Variants in PLCXD3 observed in about 807,000 individuals in gnomAD.
The protein encoded by PLCXD3 is phosphatidylinositol specific phospholipase C X domain containing 3.
Under a neutral mutation model 25.5 loss-of-function variants are expected in PLCXD3, and 19 were observed. The ratio of observed to expected loss-of-function variants is 0.75; its 90% CI spans 0.52 to 1.09. The LOEUF (loss-of-function observed/expected upper bound fraction) is 1.09, where lower values mean the gene tolerates loss of function less well. Among genes scored for constraint, PLCXD3 ranks in the 50% least tolerant of loss-of-function variants. The pLI is 0.00. For synonymous variants in PLCXD3, 174 were observed against 137.6 expected (o/e 1.26, Z -1.85); for missense variants, 411 against 388.1 (o/e 1.06, Z -0.50).
In PLCXD3 at chr5:41,313,483, C is replaced by G; in HGVS notation, c.*134G>C. 1 of 986,278 alleles carries G rather than the reference C, an allele frequency of 1.0e-6. No individual in the cohort carries two copies. The allele number at this position is 986,278 out of a possible 1,614,324, so 61.1% of individuals were successfully genotyped here. A position where few individuals can be genotyped will look rare whatever the true frequency, so the allele number is the denominator to read the frequency against. ...TAATCACTGAAGAAACAGTTTTTCC[C>G]CTTTTCCCACCCACTACCAGCCCTA... On this transcript the variant is annotated 3_prime_UTR_variant, in exon 3 of 3. Transcript: ENST00000377801.
rs149897633 is a variant in PLCXD3, at chr5:41,425,994, T to C, written c.104-43460A>G. Among the ~76,000 whole-genome samples, 49 of 152,330 alleles carry C rather than the reference T, an allele frequency of 3.2e-4. 2 individuals carry two copies. The highest frequency in any genetic ancestry group is 1.1e-3 in the African/African-American group (47 of 41,588). On this transcript the variant is annotated intron_variant, in intron 1 of 2. Transcript: ENST00000377801. ...CGAGGAATGTGATTGCTGGATTGTA[T>C]GATAAGAGTATGCTTAGTTTTGGGA...
chr5:41,507,669 G>C (rs2111599663), intron 1 of PLCXD3, among the ~76,000 whole-genome samples: 2 of 152,282 alleles, frequency 1.3e-5, no homozygotes, highest in Middle Eastern at 6.8e-3. Flanking sequence ...TAATTAGGCA[G>C]CTCTTTATTT....
intron 1 of PLCXD3, among the ~76,000 whole-genome samples, chr5:41,398,735 C>T (rs189740604): frequency 6.6e-6 from 1 of 152,144 alleles, no homozygotes; most frequent in East Asian, 1.9e-4. Flanking sequence ...ACATAATAGC[C>T]ATATATGACA....
At chr5:41,354,164 C>G (rs1039049008) in intron 2 of PLCXD3, among the ~76,000 whole-genome samples, 2 of 152,122 alleles carry the variant, frequency 1.3e-5, no homozygotes, top group African/African-American at 4.8e-5. Flanking sequence ...CAATGATATT[C>G]CTATAGCTTT....
At chr5:41,415,425 G>A (rs1379005265) in intron 1 of PLCXD3, among the ~76,000 whole-genome samples, 1 of 152,108 alleles carries the variant, frequency 6.6e-6, no homozygotes, top group African/African-American at 2.4e-5. Context: ...ATCCACTTTG[G>A]TACATCTTTG....
At chr5:41,349,786 A>G (rs1019093442) in intron 2 of PLCXD3, among the ~76,000 whole-genome samples, 4 of 152,224 alleles carry the variant, frequency 2.6e-5, no homozygotes, top group Admixed American at 2.6e-4. Context: ...ACAGGTCTTT[A>G]AATTATCCTG....
intron 1 of PLCXD3, among the ~76,000 whole-genome samples, chr5:41,387,797 T>G (rs992985587): frequency 2.6e-5 from 4 of 152,168 alleles, no homozygotes; most frequent in Admixed American, 2.6e-4. Context: ...ATGCTAAGTA[T>G]AAGACAAGCA....
At position 41,433,178 on chromosome 5, in the gene PLCXD3, G is replaced by T. The variant is rs185986690; in HGVS notation, c.104-50644C>A. ...TACTCATCTGCTGGAGTCAGACCAG[G>T]ATGAGAATTTGGACTGCTACTTACC... is the stretch of plus-strand genomic sequence containing the variant. On this transcript the variant is annotated intron_variant, in intron 1 of 2. Coordinates refer to ENST00000377801, the MANE Select transcript of PLCXD3 (RefSeq NM_001005473.3). 2.3e-3 allele frequency among the ~76,000 whole-genome samples: 345 copies of T among 152,258 alleles called. 4 individuals are homozygous for T. Among genetic ancestry groups the T allele is most frequent in the Admixed American group, 0.021 (317 of 15,294 alleles).
At chr5:41,485,763 T>C (rs1280666215) in intron 1 of PLCXD3, among the ~76,000 whole-genome samples, 1 of 152,202 alleles carries the variant, frequency 6.6e-6, no homozygotes, top group African/African-American at 2.4e-5. Flanking sequence ...CGCTGCCATG[T>C]CACACTACTG....
intron 1 of PLCXD3, among the ~76,000 whole-genome samples, chr5:41,430,221 C>T (rs2150508447): frequency 6.6e-6 from 1 of 152,158 alleles, no homozygotes; most frequent in Admixed American, 6.5e-5. Context: ...CTAACAGTTC[C>T]TAGTATATAG....
intron 2 of PLCXD3, among the ~76,000 whole-genome samples, chr5:41,322,971 T>A (rs1317075844): frequency 1.4e-5 from 2 of 139,476 alleles, no homozygotes; most frequent in Admixed American, 7.1e-5. Context: ...AGACTCTGTC[T>A]AAAAAAAAAA....
At position 41,431,422 on chromosome 5, in the gene PLCXD3, A is replaced by G. The variant is rs141609046; in HGVS notation, c.104-48888T>C. On this transcript the variant is annotated intron_variant, in intron 1 of 2. Coordinates refer to ENST00000377801, the MANE Select transcript of PLCXD3 (RefSeq NM_001005473.3). Reference sequence around the variant, plus strand: ...ACACATTCTTATGTATTACTTACTGATGACTTTTGTGTTAGGTTACAGATT... The same window carrying G: ...ACACATTCTTATGTATTACTTACTGGTGACTTTTGTGTTAGGTTACAGATT... Among the ~76,000 whole-genome samples the G allele has an allele frequency of 3.4e-3, 520 of 152,328 alleles. 1 individual carries two copies. Among genetic ancestry groups the G allele is most frequent in the African/African-American group, 0.012 (490 of 41,580 alleles).
At chr5:41,399,419 G>A (rs1182607960) in intron 1 of PLCXD3, among the ~76,000 whole-genome samples, 2 of 151,976 alleles carry the variant, frequency 1.3e-5, no homozygotes, top group African/African-American at 2.4e-5. Context: ...AAAACTGAAG[G>A]AATCACAATA....
At chr5:41,387,702 T>C (rs76831956) in intron 1 of PLCXD3, among the ~76,000 whole-genome samples, 16,524 of 152,166 alleles carry the variant, frequency 0.11, 1,081 homozygotes, top group Admixed American at 0.17. Flanking sequence ...ACCAACCTGA[T>C]GGAAAGAAAT....
chr5:41,340,473 C>G (rs1051859224), intron 2 of PLCXD3, among the ~76,000 whole-genome samples: 4 of 152,298 alleles, frequency 2.6e-5, no homozygotes. Flanking sequence ...TTCTTCACCA[C>G]TCCACACTGG....
intron 1 of PLCXD3, among the ~76,000 whole-genome samples, chr5:41,487,753 C>A (rs777666084): frequency 2.6e-5 from 4 of 151,356 alleles, no homozygotes; most frequent in African/African-American, 7.3e-5. Flanking sequence ...AAGATGCCAA[C>A]GAAATTTTTA....
chr5:41,465,650 T>C (rs1748002182), intron 1 of PLCXD3, among the ~76,000 whole-genome samples: 1 of 151,886 alleles, frequency 6.6e-6, no homozygotes, highest in Non-Finnish European at 1.5e-5. Flanking sequence ...AGAGTCTCTT[T>C]AGAGATCTCC....
intron 2 of PLCXD3, among the ~76,000 whole-genome samples, chr5:41,379,166 G>T (rs188829316): frequency 9.5e-4 from 145 of 152,202 alleles, no homozygotes; most frequent in African/African-American, 3.4e-3. Flanking sequence ...GGGAGTTGGA[G>T]TCAGTTCCCT....
chr5:41,499,884 G>T (rs1384424649), intron 1 of PLCXD3, among the ~76,000 whole-genome samples: 1 of 151,760 alleles, frequency 6.6e-6, no homozygotes, highest in Non-Finnish European at 1.5e-5. Context: ...ACACAATGGG[G>T]AAAGGATAGT....
Sources: allele counts gnomAD v4.1 joint callset (sites outside exome capture counted in the v4.1 genomes callset), GRCh38; gene constraint gnomAD v4.1.1; transcripts MANE v1.5; gene names NCBI Gene and HGNC (gene_info 2026-07-23, HGNC 2026-07-21).